Variants in KCNH1 observed in about 807,000 individuals in gnomAD.
The protein encoded by KCNH1 is voltage-gated delayed rectifier potassium channel KCNH1.
Under a neutral mutation model 69.2 loss-of-function variants are expected in KCNH1, and 27 were observed. The observed-to-expected ratio is 0.39, with a 90% CI of 0.29 to 0.54. The LOEUF is 0.54. KCNH1 is among the 20% of genes least tolerant of loss of function. The probability of loss-of-function intolerance (pLI) is 0.68; values close to 1 mark genes in which losing one functional copy is unlikely to be tolerated. For missense variants in KCNH1, 798 were observed against 1,261.6 expected, an observed-to-expected ratio of 0.63 and a Z score of 5.57; for synonymous variants, 456 against 487.7, an observed-to-expected ratio of 0.93 and a Z score of 0.86.
chr1:210,949,485 GTTGTT>G (rs1688022194), intron 6 of KCNH1, among the ~76,000 whole-genome samples: 1 of 152,194 alleles, frequency 6.6e-6, no homozygotes, highest in Non-Finnish European at 1.5e-5. Context: ...CATAGTTGTT[GTTGTT>G]TTAACACAGT....
intron 1 of KCNH1, among the ~76,000 whole-genome samples, chr1:211,124,249 C>A (rs1165686716): frequency 1.3e-5 from 2 of 152,308 alleles, no homozygotes; most frequent in East Asian, 3.9e-4. Flanking sequence ...AGGGCAGGCA[C>A]ATACTGCCTG....
chr1:211,067,771 C>T (rs1489098121), intron 5 of KCNH1, among the ~76,000 whole-genome samples: 1 of 152,150 alleles, frequency 6.6e-6, no homozygotes, highest in Non-Finnish European at 1.5e-5. Context: ...AAACAACGTC[C>T]AGAAGGAATT....
At chr1:210,759,647 A>T (rs1326389125) in intron 10 of KCNH1, among the ~76,000 whole-genome samples, 4 of 152,216 alleles carry the variant, frequency 2.6e-5, no homozygotes, top group African/African-American at 7.2e-5. Flanking sequence ...AAAGAATTTT[A>T]AAAAATGAAC....
rs558040628 is a variant in KCNH1, at chr1:211,016,141, C to T, written c.1032+2642G>A. ...AAATAATGGCAAAGGAGTTCCAACC[C>T]GACATATACAGTTGGTTTGGAAGGA... On this transcript the variant is annotated intron_variant, in intron 6 of 10. Coordinates refer to ENST00000271751, the MANE Select transcript of KCNH1 (RefSeq NM_172362.3). 8.4e-4 allele frequency among the ~76,000 whole-genome samples: 128 copies of T among 152,084 alleles called. 1 individual carries two copies. Among genetic ancestry groups the T allele is most frequent in the African/African-American group, 3.0e-3 (123 of 41,496 alleles).
intron 9 of KCNH1, among the ~76,000 whole-genome samples, chr1:210,779,721 G>A (rs1264312763): frequency 6.6e-6 from 1 of 151,788 alleles, no homozygotes; most frequent in East Asian, 1.9e-4. Context: ...TGGACATTCT[G>A]AGCTGGGAAA....
At chr1:210,961,854 A>G (rs941910535) in intron 6 of KCNH1, among the ~76,000 whole-genome samples, 1 of 152,098 alleles carries the variant, frequency 6.6e-6, no homozygotes, top group Non-Finnish European at 1.5e-5. Context: ...AAAAGAAAAA[A>G]AAAAAGAATA....
intron 7 of KCNH1, chr1:210,861,701 C>T: frequency 1.3e-6 from 1 of 774,438 alleles, no homozygotes; most frequent in Non-Finnish European, 2.4e-6. Flanking sequence ...TGGATGACGA[C>T]AGACTGATCA....
At chr1:210,922,120 G>T (rs1230995609) in intron 6 of KCNH1, among the ~76,000 whole-genome samples, 1 of 151,858 alleles carries the variant, frequency 6.6e-6, no homozygotes, top group East Asian at 1.9e-4. Flanking sequence ...GGTGGCTCAT[G>T]CCTGTAATCC....
chr1:210,720,843 C>G (rs1682436383), intron 10 of KCNH1, among the ~76,000 whole-genome samples: 1 of 152,136 alleles, frequency 6.6e-6, no homozygotes, highest in Admixed American at 6.5e-5. Flanking sequence ...TTTATGTTGT[C>G]CAGGAAAGTT....
intron 6 of KCNH1, among the ~76,000 whole-genome samples, chr1:210,945,065 T>C (rs1687934526): frequency 6.6e-6 from 1 of 152,236 alleles, no homozygotes; most frequent in Non-Finnish European, 1.5e-5. Context: ...TTCAGGCTCA[T>C]CCAGGTTATA....
chr1:210,840,703 T>C (rs979799443), intron 7 of KCNH1, among the ~76,000 whole-genome samples: 5 of 152,182 alleles, frequency 3.3e-5, no homozygotes, highest in African/African-American at 1.2e-4. Flanking sequence ...GCTAAATTTG[T>C]TTTCAAGGGA....
At chr1:210,715,517 C>CAAA (rs71821345) in intron 10 of KCNH1, among the ~76,000 whole-genome samples, 5 of 129,748 alleles carry the variant, frequency 3.9e-5, no homozygotes, top group Non-Finnish European at 5.0e-5. Flanking sequence ...AAAAATTAAA[C>CAAA]AAAAAAAAAA....
At chr1:210,953,425 T>C (rs925553547) in intron 6 of KCNH1, among the ~76,000 whole-genome samples, 6 of 152,202 alleles carry the variant, frequency 3.9e-5, no homozygotes, top group African/African-American at 1.4e-4. Context: ...TCCTTGTGTA[T>C]TTGCTGACAA....
intron 5 of KCNH1, among the ~76,000 whole-genome samples, chr1:211,025,158 A>G (rs1470001082): frequency 1.3e-5 from 2 of 152,200 alleles, no homozygotes; most frequent in Admixed American, 1.3e-4. Context: ...CCAAGCTGGA[A>G]GGGACTCCCA....
intron 6 of KCNH1, among the ~76,000 whole-genome samples, chr1:210,954,464 C>T (rs1485613865): frequency 6.6e-6 from 1 of 152,188 alleles, no homozygotes; most frequent in East Asian, 1.9e-4. Context: ...GTTCCAGATC[C>T]ATGAGGAATT....
At chr1:210,684,161 T>C in intron 10 of KCNH1, 23 bp from the exon 11 acceptor site, 2 of 1,490,798 alleles carry the variant, frequency 1.3e-6, no homozygotes, top group Non-Finnish European at 1.8e-6. Flanking sequence ...AGAGAGAGAA[T>C]GACATGGCGT....
At chr1:211,098,355 A>G (rs1472593713) in intron 3 of KCNH1, among the ~76,000 whole-genome samples, 2 of 151,816 alleles carry the variant, frequency 1.3e-5, no homozygotes, top group African/African-American at 4.8e-5. Context: ...AGAAAATCAT[A>G]CAGCATACTA....
chr1:210,694,414 C>T (rs774320486), intron 10 of KCNH1, among the ~76,000 whole-genome samples: 4 of 151,132 alleles, frequency 2.6e-5, no homozygotes, highest in Non-Finnish European at 4.4e-5. Flanking sequence ...GGTAGAGGCC[C>T]GAGGCACTGG....
At position 210,916,874 on chromosome 1, in the gene KCNH1, G is replaced by A. The variant is rs981518118; in HGVS notation, c.1462+2766C>T. Among the ~76,000 whole-genome samples the A allele has an allele frequency of 7.9e-5, 12 of 152,164 alleles. 1 individual carries two copies. The highest frequency in any genetic ancestry group is 5.2e-4 in the Admixed American group (8 of 15,272). ...TTTTAAAAAAAGAAATGGGCTGGGC[G>A]CAGTGGCTCACGCATGTAATCCTTG... On this transcript the variant is annotated intron_variant, in intron 7 of 10. Transcript: ENST00000271751.
Sources: allele counts gnomAD v4.1 joint callset (sites outside exome capture counted in the v4.1 genomes callset), GRCh38; gene constraint gnomAD v4.1.1; transcripts MANE v1.5; gene names NCBI Gene and HGNC (gene_info 2026-07-23, HGNC 2026-07-21).